TMEM117: variants seen among roughly 807,000 people sequenced by gnomAD.
TMEM117 encodes the protein transmembrane protein 117.
A neutral mutation model predicts 52.4 loss-of-function variants in TMEM117; 27 were observed. The ratio of observed to expected loss-of-function variants is 0.51; its 90% confidence interval spans 0.38 to 0.71. The LOEUF (loss-of-function observed/expected upper bound fraction) is 0.71, where lower values mean the gene tolerates loss of function less well. TMEM117 is among the 30% of genes least tolerant of loss of function. The probability of loss-of-function intolerance (pLI) is 0.00; values close to 1 mark genes in which losing one functional copy is unlikely to be tolerated. For synonymous variants in TMEM117, 215 were observed against 206.3 expected, an observed-to-expected ratio of 1.04 and a Z score of -0.36; for missense variants, 556 against 630.5, an observed-to-expected ratio of 0.88 and a Z score of 1.26.
chr12:44,387,347 TA>T (rs1268987975), intron 7 of TMEM117, among the ~76,000 whole-genome samples: 1 of 151,730 alleles, frequency 6.6e-6, no homozygotes, highest in Admixed American at 6.6e-5. Flanking sequence ...TTTTAAATAT[TA>T]AAAAAAGAAA....
At chr12:44,071,804 T>C (rs1336660297) in intron 3 of TMEM117, among the ~76,000 whole-genome samples, 1 of 152,152 alleles carries the variant, frequency 6.6e-6, no homozygotes, top group Non-Finnish European at 1.5e-5. Context: ...GGTTCAAGTC[T>C]GGTGATTGGT....
At chr12:44,184,925 G>A (rs1000413848) in intron 4 of TMEM117, among the ~76,000 whole-genome samples, 5 of 152,112 alleles carry the variant, frequency 3.3e-5, no homozygotes, top group African/African-American at 7.2e-5. Flanking sequence ...CCAAGTACTC[G>A]TACCTTTTTG....
intron 2 of TMEM117, 36 bp from the exon 3 acceptor site, chr12:43,944,174 A>G (rs1945089790): frequency 6.4e-7 from 1 of 1,565,226 alleles, no homozygotes; most frequent in Non-Finnish European, 8.7e-7. Flanking sequence ...TTTGAGTTAC[A>G]GTGTACATTA....
chr12:43,915,788 G>A (rs7965240), intron 2 of TMEM117, among the ~76,000 whole-genome samples: 41,594 of 151,880 alleles, frequency 0.27, 8,133 homozygotes, highest in African/African-American at 0.56. Context: ...ATCCAGTGGT[G>A]TTTACTGAGT....
At chr12:43,993,873 T>G (rs957472103) in intron 3 of TMEM117, among the ~76,000 whole-genome samples, 2 of 152,152 alleles carry the variant, frequency 1.3e-5, no homozygotes, top group African/African-American at 4.8e-5. Context: ...TTTTGTATTT[T>G]TTGTAGAGAC....
chr12:43,808,536 C>T, the TMEM117 span, among the ~76,000 whole-genome samples: 1 of 151,984 alleles, frequency 6.6e-6, no homozygotes, highest in Non-Finnish European at 1.5e-5. Context: ...TGTTTAGAAC[C>T]TAAGATGGTG....
chr12:44,193,936 A>G (rs1052790217), intron 4 of TMEM117, among the ~76,000 whole-genome samples: 4 of 152,226 alleles, frequency 2.6e-5, no homozygotes, highest in Admixed American at 2.6e-4. Flanking sequence ...TACAAAACAC[A>G]GAAACAAGTG....
At chr12:43,893,438 G>C (rs1002181748) in intron 2 of TMEM117, among the ~76,000 whole-genome samples, 1 of 152,104 alleles carries the variant, frequency 6.6e-6, no homozygotes, top group Non-Finnish European at 1.5e-5. Flanking sequence ...TACCTTCAAG[G>C]CATTTTTTGA....
At chr12:44,100,023 A>G (rs1291806172) in intron 3 of TMEM117, among the ~76,000 whole-genome samples, 1 of 151,958 alleles carries the variant, frequency 6.6e-6, no homozygotes, top group Non-Finnish European at 1.5e-5. Flanking sequence ...AATTGTATTA[A>G]AATTAGAATG....
intron 3 of TMEM117, among the ~76,000 whole-genome samples, chr12:44,090,849 G>GTTTTTTTTT (rs541939145): frequency 8.9e-5 from 9 of 101,638 alleles, no homozygotes; most frequent in East Asian, 2.5e-4. Flanking sequence ...GTTTTTTTTT[G>GTTTTTTTTT]TTTTTTTTTT....
chr12:44,335,546 A>G (rs1205747941), intron 6 of TMEM117, among the ~76,000 whole-genome samples: 7 of 152,052 alleles, frequency 4.6e-5, no homozygotes, highest in Non-Finnish European at 8.8e-5. Context: ...AATTAATGGC[A>G]GAGCCAGAAT....
chr12:43,998,052 C>G (rs73087610), intron 3 of TMEM117, among the ~76,000 whole-genome samples: 13,872 of 152,208 alleles, frequency 0.091, 1,001 homozygotes, highest in African/African-American at 0.19. Context: ...AGTAGAGTGT[C>G]TGGCTGCTAG....
intron 6 of TMEM117, among the ~76,000 whole-genome samples, chr12:44,359,637 A>G (rs1565754435): frequency 6.6e-6 from 1 of 152,204 alleles, no homozygotes; most frequent in Middle Eastern, 3.4e-3. Flanking sequence ...ATCTATCTTT[A>G]TGCATATGGA....
At chr12:44,151,378 C>CT (rs1592560507) in intron 4 of TMEM117, among the ~76,000 whole-genome samples, 1 of 142,054 alleles carries the variant, frequency 7.0e-6, no homozygotes, top group Non-Finnish European at 1.5e-5. Flanking sequence ...TATTATTATA[C>CT]TTTAAGTTTT....
At chr12:43,939,317 G>A (rs950370350) in intron 2 of TMEM117, among the ~76,000 whole-genome samples, 1 of 152,156 alleles carries the variant, frequency 6.6e-6, no homozygotes, top group South Asian at 2.1e-4. Flanking sequence ...TTAATGGACA[G>A]TAGTGTTAAT....
chr12:44,174,461 G>T (rs1949091253), intron 4 of TMEM117, among the ~76,000 whole-genome samples: 1 of 152,012 alleles, frequency 6.6e-6, no homozygotes, highest in Admixed American at 6.6e-5. Context: ...CTATTTTTTT[G>T]AGTTTTGTGC....
chr12:44,025,167 C>G (rs886905032), intron 3 of TMEM117, among the ~76,000 whole-genome samples: 3 of 151,984 alleles, frequency 2.0e-5, no homozygotes, highest in African/African-American at 7.3e-5. Flanking sequence ...TGAAGCAATG[C>G]CTGTAAAATG....
At chr12:43,796,864 G>A in the TMEM117 span, 1 of 1,183,922 alleles carries the variant, frequency 8.4e-7, no homozygotes, top group East Asian at 2.5e-5. Context: ...GATTTAGGAT[G>A]ATAACAAGAA....
At chr12:44,115,654 C>G (rs1325576571) in intron 3 of TMEM117, among the ~76,000 whole-genome samples, 2 of 152,050 alleles carry the variant, frequency 1.3e-5, no homozygotes, top group African/African-American at 4.8e-5. Flanking sequence ...GCTGTTTCTA[C>G]AATTTTCAAG....
Sources: gnomAD v4.1 joint callset for allele counts (sites outside exome capture counted in the v4.1 genomes callset) on GRCh38, gnomAD v4.1.1 for gene constraint, MANE v1.5 for transcripts, NCBI Gene and HGNC (gene_info 2026-07-23, HGNC 2026-07-21) for gene names.